ADAMTSL1: variants seen among roughly 807,000 people sequenced by gnomAD.
ADAMTSL1 encodes ADAMTS-like protein 1.
Under a neutral mutation model 201.8 loss-of-function variants are expected in ADAMTSL1, and 126 were observed. The ratio of observed to expected loss-of-function variants is 0.62; its 90% CI spans 0.54 to 0.72. The LOEUF is 0.72. Ranked by LOEUF, ADAMTSL1 falls within the 30% of genes least tolerant of loss-of-function variation. ADAMTSL1 has a pLI of 0.00. For synonymous variants in ADAMTSL1, 1,121 were observed against 903.4 expected (o/e 1.24, Z -4.32); for missense variants, 2,679 against 2,277.8 (o/e 1.18, Z -3.59).
At chr9:18,656,628 C>CAA (rs34965386) in intron 7 of ADAMTSL1, among the ~76,000 whole-genome samples, 5,642 of 75,100 alleles carry the variant, frequency 0.075, 212 homozygotes, top group South Asian at 0.11. Context: ...GACTCCATCG[C>CAA]AAAAAAAAAA....
At chr9:18,262,033 T>C (rs945166302) in intron 2 of ADAMTSL1, among the ~76,000 whole-genome samples, 1 of 152,196 alleles carries the variant, frequency 6.6e-6, no homozygotes, top group African/African-American at 2.4e-5. Context: ...TAACTAGACA[T>C]GCCGGGACTT....
intron 13 of ADAMTSL1, among the ~76,000 whole-genome samples, chr9:18,694,784 C>T (rs1831450781): frequency 6.6e-6 from 1 of 152,182 alleles, no homozygotes; most frequent in African/African-American, 2.4e-5. Flanking sequence ...CTAGGCAGTG[C>T]CCCAGTTGAG....
intron 16 of ADAMTSL1, among the ~76,000 whole-genome samples, chr9:18,768,571 G>GA (rs560269306): frequency 4.1e-4 from 61 of 147,958 alleles, no homozygotes; most frequent in Non-Finnish European, 7.3e-4. Context: ...CCAGCACTAA[G>GA]AAAATACATC....
chr9:18,245,457 T>C (rs1014836465), intron 2 of ADAMTSL1, among the ~76,000 whole-genome samples: 1 of 152,150 alleles, frequency 6.6e-6, no homozygotes, highest in African/African-American at 2.4e-5. Context: ...GTGACTGCCT[T>C]ACTGGGCATT....
At chr9:18,090,223 A>G (rs1253381621) in intron 1 of ADAMTSL1, among the ~76,000 whole-genome samples, 2 of 152,316 alleles carry the variant, frequency 1.3e-5, no homozygotes, top group East Asian at 3.9e-4. Flanking sequence ...TAGAATTACC[A>G]TGTGATTCAG....
chr9:18,423,475 G>A (rs1158663521), intron 2 of ADAMTSL1, among the ~76,000 whole-genome samples: 1 of 152,064 alleles, frequency 6.6e-6, no homozygotes, highest in Non-Finnish European at 1.5e-5. Flanking sequence ...CTCTTTCTTT[G>A]GTATTTTTTG....
At position 18,908,548 on chromosome 9, in the gene ADAMTSL1, A is replaced by AAGAT. The variant is rs1359617589; in HGVS notation, c.*3_*6dup. On this transcript the variant is annotated 3_prime_UTR_variant, in exon 29 of 29. Coordinates refer to ENST00000380548, the MANE Select transcript of ADAMTSL1 (RefSeq NM_001040272.6). ...GCTGTGGAACTTGTGGCAAAGCGTG[A>AAGAT]AGATAGGGTGTGGGGAAAAACTCTA... The AAGAT allele has an allele frequency of 2.6e-6, 4 of 1,558,148 alleles. No individual in the cohort carries two copies. The African/African-American group carries it at 4.1e-5, about 16-fold the overall frequency.
chr9:18,557,435 C>G (rs1277005898), intron 3 of ADAMTSL1, among the ~76,000 whole-genome samples: 1 of 152,014 alleles, frequency 6.6e-6, no homozygotes, highest in African/African-American at 2.4e-5. Flanking sequence ...CTGACCTTGA[C>G]TTTGCAAGAA....
chr9:18,464,861 A>G (rs1820941593), intron 2 of ADAMTSL1, among the ~76,000 whole-genome samples: 1 of 152,228 alleles, frequency 6.6e-6, no homozygotes, highest in Non-Finnish European at 1.5e-5. Flanking sequence ...TTTGTTTAAA[A>G]CTATAGACTG....
At chr9:18,203,343 G>C (rs931705901) in intron 2 of ADAMTSL1, among the ~76,000 whole-genome samples, 3 of 151,852 alleles carry the variant, frequency 2.0e-5, no homozygotes, top group Non-Finnish European at 4.4e-5. Flanking sequence ...CTTCCTCCAA[G>C]TCCCTTTAAC....
intron 1 of ADAMTSL1, among the ~76,000 whole-genome samples, chr9:17,925,798 A>G (rs1267131226): frequency 3.3e-5 from 5 of 150,518 alleles, no homozygotes; most frequent in Non-Finnish European, 1.5e-5. Context: ...TGGCGCATGT[A>G]TACGTATGTA....
chr9:18,759,013 T>C (rs1819920950), intron 16 of ADAMTSL1, among the ~76,000 whole-genome samples: 1 of 152,198 alleles, frequency 6.6e-6, no homozygotes, highest in Non-Finnish European at 1.5e-5. Context: ...AGAAAAAAGG[T>C]GCTGAAGGGT....
At chr9:18,283,429 G>A (rs1435005747) in intron 2 of ADAMTSL1, among the ~76,000 whole-genome samples, 1 of 151,480 alleles carries the variant, frequency 6.6e-6, no homozygotes, top group Non-Finnish European at 1.5e-5. Flanking sequence ...ACATAGTGAG[G>A]CCCCATCTCT....
At chr9:18,670,532 G>A (rs1240498857) in intron 9 of ADAMTSL1, among the ~76,000 whole-genome samples, 1 of 152,198 alleles carries the variant, frequency 6.6e-6, no homozygotes, top group Non-Finnish European at 1.5e-5. Context: ...CCAGCAAAAG[G>A]CAAGACGTGG....
chr9:18,269,445 A>G (rs899436833), intron 2 of ADAMTSL1, among the ~76,000 whole-genome samples: 3 of 152,184 alleles, frequency 2.0e-5, no homozygotes, highest in Non-Finnish European at 4.4e-5. Context: ...CTAAGAAGAT[A>G]TATAACACAT....
At chr9:18,604,682 C>G (rs1824894686) in intron 4 of ADAMTSL1, among the ~76,000 whole-genome samples, 1 of 152,130 alleles carries the variant, frequency 6.6e-6, no homozygotes, top group Admixed American at 6.6e-5. Context: ...GGTTGTTTCC[C>G]CCTTTTGGCT....
In ADAMTSL1 at chr9:18,905,705, G is replaced by A. The variant is rs114842872; in HGVS notation, c.4852-77G>A. The A allele has an allele frequency of 2.7e-4, 306 of 1,123,732 alleles. 1 individual carries two copies. The African/African-American group carries it at 4.0e-3, about 15-fold the overall frequency. 69.6% of individuals were successfully genotyped at this position (1,123,732 alleles called of 1,614,324 possible). A position where few individuals can be genotyped will look rare whatever the true frequency, so the allele number is the denominator to read the frequency against. On this transcript the variant is annotated intron_variant, in intron 26 of 28. Coordinates refer to ENST00000380548, the MANE Select transcript of ADAMTSL1 (RefSeq NM_001040272.6). ...CAAGACCTACACAAGGATCGTGCATGCCATGCAGCCCAAGCACGGCGGCCT... is the reference window on the plus strand; with the variant it reads ...CAAGACCTACACAAGGATCGTGCATACCATGCAGCCCAAGCACGGCGGCCT...
At chr9:18,253,359 T>G (rs189144686) in intron 2 of ADAMTSL1, among the ~76,000 whole-genome samples, 1 of 152,214 alleles carries the variant, frequency 6.6e-6, no homozygotes, top group Non-Finnish European at 1.5e-5. Context: ...GAAGATTTTC[T>G]TGGTAACAAT....
chr9:18,485,779 A>C (rs1171125195), intron 1 of ADAMTSL1, among the ~76,000 whole-genome samples: 1 of 152,208 alleles, frequency 6.6e-6, no homozygotes, highest in Non-Finnish European at 1.5e-5. Context: ...AGGGTGTTGC[A>C]GGCCACCCCC....
Sources: allele counts gnomAD v4.1 joint callset (sites outside exome capture counted in the v4.1 genomes callset), GRCh38; gene constraint gnomAD v4.1.1; transcripts MANE v1.5; gene names NCBI Gene and HGNC (gene_info 2026-07-23, HGNC 2026-07-21).